The following AGBL4 variants were observed in gnomAD, a reference collection of about 807,000 sequenced individuals.
AGBL4 encodes the protein AGBL carboxypeptidase 4.
In AGBL4, 58 loss-of-function variants were observed where a neutral mutation model predicts 66.4. The ratio of observed to expected loss-of-function variants is 0.87; its 90% CI spans 0.71 to 1.09. The LOEUF is 1.09. Among genes scored for constraint, AGBL4 ranks in the 50% least tolerant of loss-of-function variants. The pLI is 0.00. For missense variants in AGBL4, 579 were observed against 631.0 expected, an observed-to-expected ratio of 0.92 and a Z score of 0.88; for synonymous variants, 234 against 222.9, an observed-to-expected ratio of 1.05 and a Z score of -0.44.
At chr1:49,197,609 C>T (rs1647333018) in intron 4 of AGBL4, among the ~76,000 whole-genome samples, 1 of 152,174 alleles carries the variant, frequency 6.6e-6, no homozygotes, top group South Asian at 2.1e-4. Context: ...CTGGAACCCA[C>T]CTTCCTTCCC....
chr1:49,635,505 G>T (rs1263182644), intron 3 of AGBL4, among the ~76,000 whole-genome samples: 2 of 152,108 alleles, frequency 1.3e-5, no homozygotes, highest in Non-Finnish European at 2.9e-5. Flanking sequence ...CAAATGACTT[G>T]CATCTGGAAT....
chr1:48,572,529 TGTGTGTGTGA>T (rs756883651), intron 11 of AGBL4, among the ~76,000 whole-genome samples: 48 of 151,762 alleles, frequency 3.2e-4, no homozygotes, highest in South Asian at 2.9e-3. Context: ...GCAAATTGTG[TGTGTGTGTGA>T]GTGTGTGTGA....
At chr1:49,576,359 G>C (rs1030287699) in intron 3 of AGBL4, among the ~76,000 whole-genome samples, 9 of 152,200 alleles carry the variant, frequency 5.9e-5, no homozygotes, top group Non-Finnish European at 8.8e-5. Context: ...AGATCCAATG[G>C]TGCTTGAGGT....
chr1:49,966,591 G>T (rs535384039), intron 1 of AGBL4, among the ~76,000 whole-genome samples: 1 of 152,116 alleles, frequency 6.6e-6, no homozygotes, highest in South Asian at 2.1e-4. Flanking sequence ...TCTCCACTTA[G>T]CAGTGAAACA....
chr1:49,280,910 A>G (rs77149232), intron 3 of AGBL4, among the ~76,000 whole-genome samples: 2 of 152,340 alleles, frequency 1.3e-5, no homozygotes, highest in African/African-American at 4.8e-5. Flanking sequence ...AGATAGCAAT[A>G]ATTACAACGA....
chr1:49,668,329 C>T (rs1256629511), intron 3 of AGBL4, among the ~76,000 whole-genome samples: 1 of 152,012 alleles, frequency 6.6e-6, no homozygotes, highest in Non-Finnish European at 1.5e-5. Flanking sequence ...TTCACACAGG[C>T]TGTTATTTAC....
At chr1:49,843,295 T>TG (rs1169755783) in intron 2 of AGBL4, among the ~76,000 whole-genome samples, 8 of 111,852 alleles carry the variant, frequency 7.2e-5, no homozygotes, top group East Asian at 2.1e-4. Flanking sequence ...CCTAGCTAAT[T>TG]TTGTGTGTGT....
At chr1:48,757,316 C>T (rs1403845864) in intron 6 of AGBL4, among the ~76,000 whole-genome samples, 2 of 152,182 alleles carry the variant, frequency 1.3e-5, no homozygotes, top group Admixed American at 1.3e-4. Context: ...ACTACAAGAA[C>T]AATACAGCTT....
At chr1:48,699,448 A>G (rs754084008) in intron 6 of AGBL4, among the ~76,000 whole-genome samples, 5 of 152,124 alleles carry the variant, frequency 3.3e-5, no homozygotes, top group African/African-American at 4.8e-5. Context: ...TCATGCCCAT[A>G]TTCCATCAGC....
intron 4 of AGBL4, among the ~76,000 whole-genome samples, chr1:49,165,452 A>G (rs1646616772): frequency 6.6e-6 from 1 of 152,124 alleles, no homozygotes; most frequent in Non-Finnish European, 1.5e-5. Context: ...GCTTGTGGCT[A>G]AAAGAATATG....
intron 5 of AGBL4, among the ~76,000 whole-genome samples, chr1:49,041,183 A>T (rs977436089): frequency 1.6e-4 from 24 of 152,128 alleles, no homozygotes; most frequent in African/African-American, 5.8e-4. Context: ...TCTCCCTGAG[A>T]TCTAGATGCT....
intron 3 of AGBL4, among the ~76,000 whole-genome samples, chr1:49,382,562 A>G (rs1263585138): frequency 5.9e-5 from 9 of 152,266 alleles, no homozygotes; most frequent in Non-Finnish European, 2.9e-5. Flanking sequence ...ATTATTCTCA[A>G]TAGTGAAAGC....
At chr1:50,017,691 A>G (rs1476437145) in intron 1 of AGBL4, among the ~76,000 whole-genome samples, 2 of 152,196 alleles carry the variant, frequency 1.3e-5, no homozygotes, top group African/African-American at 2.4e-5. Flanking sequence ...CTAATTACAC[A>G]TGGAGACAAA....
At chr1:49,514,021 G>T (rs982038311) in intron 3 of AGBL4, among the ~76,000 whole-genome samples, 1 of 152,050 alleles carries the variant, frequency 6.6e-6, no homozygotes, top group South Asian at 2.1e-4. Flanking sequence ...CTCTCTGTTT[G>T]TCTGTTATTG....
At chr1:49,969,916 A>C (rs1054152293) in intron 1 of AGBL4, among the ~76,000 whole-genome samples, 10 of 152,212 alleles carry the variant, frequency 6.6e-5, no homozygotes. Context: ...AGACCAATAG[A>C]ACAGAACAGA....
chr1:49,976,927 T>C (rs1460313814), intron 1 of AGBL4, among the ~76,000 whole-genome samples: 4 of 152,240 alleles, frequency 2.6e-5, no homozygotes, highest in Non-Finnish European at 5.9e-5. Context: ...AGAAGATACA[T>C]TGTGATGATA....
intron 4 of AGBL4, among the ~76,000 whole-genome samples, chr1:49,190,198 G>T (rs752941002): frequency 2.6e-5 from 4 of 152,188 alleles, no homozygotes; most frequent in African/African-American, 7.2e-5. Flanking sequence ...CTGCCCATGA[G>T]TCTAAAGCCG....
intron 2 of AGBL4, among the ~76,000 whole-genome samples, chr1:49,767,228 TA>T (rs143910821): frequency 2.0e-5 from 3 of 150,266 alleles, no homozygotes; most frequent in African/African-American, 7.3e-5. Context: ...CTCAATAAAT[TA>T]AAAAAAAATA....
chr1:48,791,031 C>T (rs765490003), intron 6 of AGBL4, among the ~76,000 whole-genome samples: 3 of 152,176 alleles, frequency 2.0e-5, no homozygotes, highest in Non-Finnish European at 4.4e-5. Context: ...CTTAACTTCC[C>T]GGCCTCCAGA....
Sources: gnomAD v4.1 joint callset for allele counts (sites outside exome capture counted in the v4.1 genomes callset) on GRCh38, gnomAD v4.1.1 for gene constraint, MANE v1.5 for transcripts, NCBI Gene and HGNC (gene_info 2026-07-23, HGNC 2026-07-21) for gene names.